SNRK: variants seen among roughly 807,000 people sequenced by gnomAD.
SNRK encodes the protein SNF related kinase.
In SNRK, 3 loss-of-function variants were observed where a neutral mutation model predicts 48.2. That is an observed-to-expected ratio of 0.06 (90% confidence interval 0.03 to 0.16). The LOEUF is 0.16. SNRK is among the 10% of genes least tolerant of loss of function. SNRK has a pLI of 1.00. For missense variants in SNRK, 627 were observed against 976.0 expected (o/e 0.64, Z 4.76); for synonymous variants, 376 against 366.1 (o/e 1.03, Z -0.31).
chr3:43,324,484 G>A (rs964370567), intron 3 of SNRK, among the ~76,000 whole-genome samples: 2 of 149,642 alleles, frequency 1.3e-5, no homozygotes, highest in Non-Finnish European at 3.0e-5. Context: ...ACTCCAGCCT[G>A]GGTGATAGGG....
chr3:43,319,083 G>A (rs1238408458), intron 3 of SNRK, among the ~76,000 whole-genome samples: 1 of 151,364 alleles, frequency 6.6e-6, no homozygotes, highest in Non-Finnish European at 1.5e-5. Context: ...TGCTATGCTT[G>A]ATCACTCTCT....
chr3:43,330,731 G>A (rs190268907), intron 3 of SNRK, among the ~76,000 whole-genome samples: 109 of 152,314 alleles, frequency 7.2e-4, no homozygotes, highest in African/African-American at 2.5e-3. Context: ...TCAGCTTGCT[G>A]TCCTAGGGCA....
intron 3 of SNRK, among the ~76,000 whole-genome samples, chr3:43,318,910 C>T (rs559120073): frequency 6.6e-6 from 1 of 152,146 alleles, no homozygotes; most frequent in South Asian, 2.1e-4. Context: ...TGCATGTACT[C>T]CCAGCTACTC....
intron 3 of SNRK, among the ~76,000 whole-genome samples, chr3:43,323,423 G>A (rs1418420284): frequency 2.6e-5 from 4 of 152,168 alleles, no homozygotes; most frequent in Non-Finnish European, 5.9e-5. Context: ...ACACCTATTA[G>A]AATAGCTAAA....
rs1293660241 is a variant in SNRK, at chr3:43,303,996, T to G, written c.589+204T>G. Among the ~76,000 whole-genome samples the G allele has an allele frequency of 6.6e-6, 1 of 152,226 alleles. No individual in the cohort carries two copies. Among genetic ancestry groups the G allele is most frequent in the Non-Finnish European group, 1.5e-5 (1 of 68,044 alleles). ...TAGATGGCAAATGTCTAAAGTATAT[T>G]TGTGAGTACAAAGGAAAATGAGTAA... On this transcript the variant is annotated intron_variant, in intron 3 of 6. Coordinates refer to ENST00000296088, the MANE Select transcript of SNRK (RefSeq NM_017719.5). The surrounding 1 kb of genome is among the most constrained non-coding windows in gnomAD (Gnocchi z 6.2).
At chr3:43,310,346 CTG>C (rs1256894652) in intron 3 of SNRK, among the ~76,000 whole-genome samples, 1 of 152,114 alleles carries the variant, frequency 6.6e-6, no homozygotes, top group African/African-American at 2.4e-5. Context: ...CTGTTTCTCT[CTG>C]TGTTGGCGTC....
In SNRK at chr3:43,317,092, A is replaced by G. The variant is rs1019529250; in HGVS notation, c.589+13300A>G. ...CCTGTGTAAAATGACAAAAGTGCAC[A>G]ATTGATCATTGTAAGTTCTAGTACA... On this transcript the variant is annotated intron_variant, in intron 3 of 6. Transcript: ENST00000296088. Among the ~76,000 whole-genome samples the G allele has an allele frequency of 2.0e-5, 3 of 152,220 alleles. No homozygotes were observed. In the South Asian group the frequency reaches 6.2e-4, roughly 32 times the overall value.
chr3:43,305,573 C>A (rs1224949450), intron 3 of SNRK, among the ~76,000 whole-genome samples: 1 of 151,060 alleles, frequency 6.6e-6, no homozygotes, highest in African/African-American at 2.4e-5. Context: ...AGCTCTGCCT[C>A]CTGGGTTCAC....
intron 3 of SNRK, among the ~76,000 whole-genome samples, chr3:43,307,519 T>C (rs2090946944): frequency 6.6e-6 from 1 of 152,240 alleles, no homozygotes; most frequent in Non-Finnish European, 1.5e-5. Flanking sequence ...CAAAATATTT[T>C]AAACTTTGTC....
At chr3:43,292,969 A>G (rs1354956909) in intron 1 of SNRK, among the ~76,000 whole-genome samples, 2 of 152,182 alleles carry the variant, frequency 1.3e-5, no homozygotes, top group Admixed American at 6.5e-5. Context: ...CTGTTTTCCT[A>G]AATCATTTTT....
chr3:43,321,861 G>A (rs921733224), intron 3 of SNRK, among the ~76,000 whole-genome samples: 1 of 152,204 alleles, frequency 6.6e-6, no homozygotes, highest in Non-Finnish European at 1.5e-5. Context: ...AAAGCCAGGT[G>A]GTTGTTACTT....
intron 1 of SNRK, among the ~76,000 whole-genome samples, chr3:43,293,407 T>C (rs1425795052): frequency 6.6e-6 from 1 of 152,108 alleles, no homozygotes; most frequent in Non-Finnish European, 1.5e-5. Context: ...GATCTCTTAA[T>C]GGAAAAGTAA....
At chr3:43,313,909 T>C (rs533984404) in intron 3 of SNRK, among the ~76,000 whole-genome samples, 1 of 152,210 alleles carries the variant, frequency 6.6e-6, no homozygotes, top group African/African-American at 2.4e-5. Context: ...AAGGCAAGTA[T>C]CCCAGTGTGA....
intron 1 of SNRK, among the ~76,000 whole-genome samples, chr3:43,294,401 A>C (rs1251726248): frequency 2.6e-5 from 4 of 152,226 alleles, no homozygotes; most frequent in Admixed American, 2.6e-4. Flanking sequence ...AGGTAATTTT[A>C]TACCCCATTT....
chr3:43,329,858 T>C (rs1163820648), intron 3 of SNRK, among the ~76,000 whole-genome samples: 1 of 152,210 alleles, frequency 6.6e-6, no homozygotes. Context: ...AAAGAAAGTT[T>C]TCTTCGGTCA....
In SNRK at chr3:43,307,450, A is replaced by G. The variant is rs138687629; in HGVS notation, c.589+3658A>G. ...CCCTTCATCAAGCAAGTTTCTTGGC[A>G]CCATTTTTGCAACAGCATATGCTGA... On this transcript the variant is annotated intron_variant, in intron 3 of 6. Coordinates refer to ENST00000296088, the MANE Select transcript of SNRK (RefSeq NM_017719.5). Among the ~76,000 whole-genome samples the G allele has an allele frequency of 2.6e-4, 39 of 152,260 alleles. 1 individual carries two copies. Among genetic ancestry groups the G allele is most frequent in the African/African-American group, 9.4e-4 (39 of 41,538 alleles).
intron 3 of SNRK, among the ~76,000 whole-genome samples, chr3:43,308,085 G>A (rs2090952241): frequency 6.6e-6 from 1 of 152,218 alleles, no homozygotes; most frequent in African/African-American, 2.4e-5. Flanking sequence ...ACCTAATCCA[G>A]AGCAAGGCCC....
intron 1 of SNRK, among the ~76,000 whole-genome samples, chr3:43,292,281 A>G (rs1012864093): frequency 2.6e-5 from 4 of 152,238 alleles, no homozygotes; most frequent in African/African-American, 9.6e-5. Flanking sequence ...TTTGTAGTGA[A>G]CAATGAACTT....
chr3:43,342,026 T>G (rs2091241812), intron 5 of SNRK, among the ~76,000 whole-genome samples: 1 of 152,186 alleles, frequency 6.6e-6, no homozygotes, highest in Non-Finnish European at 1.5e-5. Context: ...ACACTGACTT[T>G]TGGAATGTGT....
Sources: allele counts gnomAD v4.1 joint callset (sites outside exome capture counted in the v4.1 genomes callset), GRCh38; gene constraint gnomAD v4.1.1; non-coding constraint Gnocchi (gnomAD v3.1); transcripts MANE v1.5; gene names NCBI Gene and HGNC (gene_info 2026-07-23, HGNC 2026-07-21).